CNTN4: variants seen among roughly 807,000 people sequenced by gnomAD.
The protein encoded by CNTN4 is contactin-4.
CNTN4 carries 77 observed loss-of-function variants against 122.5 expected under a neutral mutation model. That is an observed-to-expected ratio of 0.63 (90% CI 0.52 to 0.76). CNTN4 has a LOEUF of 0.76. Ranked by LOEUF, CNTN4 falls within the 30% of genes least tolerant of loss-of-function variation. The probability of loss-of-function intolerance (pLI) is 0.00; values close to 1 mark genes in which losing one functional copy is unlikely to be tolerated. For synonymous variants in CNTN4, 512 were observed against 447.0 expected, an observed-to-expected ratio of 1.15 and a Z score of -1.83; for missense variants, 1,256 against 1,259.1, an observed-to-expected ratio of 1.00 and a Z score of 0.04.
At chr3:2,873,061 G>T (rs1046391468) in intron 8 of CNTN4, among the ~76,000 whole-genome samples, 3 of 152,122 alleles carry the variant, frequency 2.0e-5, no homozygotes, top group African/African-American at 7.2e-5. Context: ...GCATCCTTCA[G>T]TTTCACAACT....
At chr3:2,889,450 G>C (rs1478853289) in intron 10 of CNTN4, among the ~76,000 whole-genome samples, 1 of 152,162 alleles carries the variant, frequency 6.6e-6, no homozygotes, top group South Asian at 2.1e-4. Flanking sequence ...TTGATGGGTT[G>C]TAAAGCAAAA....
intron 3 of CNTN4, among the ~76,000 whole-genome samples, chr3:2,504,484 G>C (rs1187608589): frequency 6.6e-6 from 1 of 152,110 alleles, no homozygotes; most frequent in African/African-American, 2.4e-5. Context: ...GACCCTTTAA[G>C]AAAATAAATT....
intron 7 of CNTN4, among the ~76,000 whole-genome samples, chr3:2,859,069 C>T (rs1173447698): frequency 1.3e-5 from 2 of 152,202 alleles, no homozygotes; most frequent in Non-Finnish European, 2.9e-5. Flanking sequence ...CTCCCTGCTC[C>T]CCAGCTAGCT....
At position 2,830,244 on chromosome 3, in the gene CNTN4, TAC is replaced by T. The variant is rs148438604; in HGVS notation, c.454+10667_454+10668del. Among the ~76,000 whole-genome samples, 527 of 152,336 alleles carry T rather than the reference TAC, an allele frequency of 3.5e-3. 3 individuals carry two copies. The highest frequency in any genetic ancestry group is 0.012 in the African/African-American group (496 of 41,576). On this transcript the variant is annotated intron_variant, in intron 7 of 24. Coordinates refer to ENST00000418658, the MANE Select transcript of CNTN4 (RefSeq NM_175607.3). ...GGCACTATGTAACTGTATTTGTGGATACACAGATTTCAATTCAAGTTGAGTAC... is the reference window on the plus strand; with the variant it reads ...GGCACTATGTAACTGTATTTGTGGATACAGATTTCAATTCAAGTTGAGTAC...
intron 12 of CNTN4, among the ~76,000 whole-genome samples, chr3:2,904,971 T>C (rs1475906235): frequency 6.6e-6 from 1 of 152,172 alleles, no homozygotes; most frequent in African/African-American, 2.4e-5. Flanking sequence ...TGAGAAAAGC[T>C]GCTTAATGAT....
intron 14 of CNTN4, among the ~76,000 whole-genome samples, chr3:3,010,478 A>G (rs1697118995): frequency 6.6e-6 from 1 of 151,468 alleles, no homozygotes; most frequent in Admixed American, 6.6e-5. Context: ...AAAAAAAAAA[A>G]AAAAATCCTT....
intron 3 of CNTN4, among the ~76,000 whole-genome samples, chr3:2,524,541 C>G (rs981774654): frequency 1.5e-4 from 23 of 152,126 alleles, no homozygotes; most frequent in Middle Eastern, 3.4e-3. Flanking sequence ...TTTAGCAACA[C>G]TGAAATACAG....
At chr3:2,301,527 A>G (rs76222969) in intron 2 of CNTN4, among the ~76,000 whole-genome samples, 1,571 of 152,316 alleles carry the variant, frequency 0.01, 12 homozygotes, top group Non-Finnish European at 0.014. Context: ...GTTCTTTTTC[A>G]TACCAGAGGC....
intron 3 of CNTN4, among the ~76,000 whole-genome samples, chr3:2,378,723 T>G (rs1575499956): frequency 6.6e-6 from 1 of 151,088 alleles, no homozygotes; most frequent in Admixed American, 6.6e-5. Context: ...ACTTGACATT[T>G]CAAGCTTAGC....
At chr3:2,895,017 C>T (rs1327354909) in intron 10 of CNTN4, among the ~76,000 whole-genome samples, 2 of 152,108 alleles carry the variant, frequency 1.3e-5, no homozygotes, top group South Asian at 2.1e-4. Flanking sequence ...AATTTATTTT[C>T]GAGACAGGGT....
chr3:2,548,407 C>T lies in CNTN4; in HGVS notation c.-88-23009C>T, dbSNP rs1260329947. Among the ~76,000 whole-genome samples the T allele has an allele frequency of 2.0e-5, 3 of 152,116 alleles. No homozygotes were observed. The East Asian group carries it at 5.8e-4, about 29-fold the overall frequency. ...TTTCTGCATATGGCTAGCCAGTTTT[C>T]CCAATACCATTTATTAAATAGGGAA... On this transcript the variant is annotated intron_variant, in intron 3 of 24. Transcript: ENST00000418658.
chr3:2,519,601 T>A (rs1575830456), intron 3 of CNTN4, among the ~76,000 whole-genome samples: 1 of 152,290 alleles, frequency 6.6e-6, no homozygotes, highest in Admixed American at 6.5e-5. Flanking sequence ...GAAACCAGGC[T>A]GAACACACGA....
At chr3:2,202,990 T>C (rs79974130) in intron 2 of CNTN4, among the ~76,000 whole-genome samples, 2,476 of 126,528 alleles carry the variant, frequency 0.02, 78 homozygotes, top group African/African-American at 0.063. Flanking sequence ...CCTGGCTAAT[T>C]ATTTTTTTTT....
chr3:2,174,372 G>C (rs954756509), intron 2 of CNTN4, among the ~76,000 whole-genome samples: 1 of 152,116 alleles, frequency 6.6e-6, no homozygotes, highest in Admixed American at 6.5e-5. Context: ...TGGCTTATAA[G>C]CAACAGACAT....
intron 2 of CNTN4, among the ~76,000 whole-genome samples, chr3:2,336,787 G>A (rs999163402): frequency 2.0e-5 from 3 of 152,084 alleles, no homozygotes; most frequent in African/African-American, 7.2e-5. Context: ...TTCTCATGTG[G>A]ATCAGGAGTA....
chr3:2,484,415 A>G (rs534185932), intron 3 of CNTN4, among the ~76,000 whole-genome samples: 4 of 152,210 alleles, frequency 2.6e-5, no homozygotes, highest in Non-Finnish European at 5.9e-5. Flanking sequence ...CAAATGGCCT[A>G]TGAATACTAG....
intron 4 of CNTN4, among the ~76,000 whole-genome samples, chr3:2,723,483 A>G (rs2087995918): frequency 6.6e-6 from 1 of 152,178 alleles, no homozygotes; most frequent in South Asian, 2.1e-4. Context: ...GTGTCTGGTG[A>G]GGGCTGCTCT....
In CNTN4 at chr3:3,037,161, C is replaced by G; in HGVS notation, c.1943-18C>G. On this transcript the variant is annotated intron_variant, in intron 17 of 24. Transcript: ENST00000418658. ...CTGAGAACCTATGAAACAGCCCCCA[C>G]CTTTTGTTGTCTTTCAGTCCCAGAA... 1 of 1,614,108 alleles carries G rather than the reference C, an allele frequency of 6.2e-7. No homozygotes were observed. The highest frequency in any genetic ancestry group is 8.5e-7 in the Non-Finnish European group (1 of 1,179,950).
chr3:2,114,352 C>T (rs2033187471), intron 2 of CNTN4, among the ~76,000 whole-genome samples: 4 of 152,004 alleles, frequency 2.6e-5, no homozygotes, highest in Non-Finnish European at 5.9e-5. Context: ...CCTAGCTACT[C>T]GGGAGGCTGA....
Sources: gnomAD v4.1 joint callset for allele counts (sites outside exome capture counted in the v4.1 genomes callset) on GRCh38, gnomAD v4.1.1 for gene constraint, MANE v1.5 for transcripts, NCBI Gene and HGNC (gene_info 2026-07-23, HGNC 2026-07-21) for gene names.